Variants in ZNF91 observed in about 807,000 individuals in gnomAD.
ZNF91 encodes zinc finger protein 91 (HPF7, HTF10).
Under a neutral mutation model 12.6 loss-of-function variants are expected in ZNF91, and 7 were observed. That is an observed-to-expected ratio of 0.55 (90% confidence interval 0.31 to 1.04). ZNF91 has a LOEUF of 1.04. ZNF91 is among the 50% of genes least tolerant of loss of function. ZNF91 has a pLI of 0.05. For synonymous variants in ZNF91, 453 were observed against 462.6 expected (o/e 0.98, Z 0.27); for missense variants, 1,217 against 1,385.4 (o/e 0.88, Z 1.93).
At chr19:23,342,494 A>G (rs1568374294) in intron 3 of ZNF91, among the ~76,000 whole-genome samples, 1 of 152,188 alleles carries the variant, frequency 6.6e-6, no homozygotes, top group Non-Finnish European at 1.5e-5. Context: ...TTGGATTTTA[A>G]TATTTGTGCA....
chr19:23,385,921 T>TTATTTTTAAAGTAAAAATA (rs1969854933), intron 1 of ZNF91, among the ~76,000 whole-genome samples: 1 of 152,148 alleles, frequency 6.6e-6, no homozygotes, highest in Non-Finnish European at 1.5e-5. Flanking sequence ...TGTAACTAAG[T>TTATTTTTAAAGTAAAAATA]TATTTTTAAA....
At chr19:23,340,688 G>C (rs1968104113) in intron 3 of ZNF91, among the ~76,000 whole-genome samples, 1 of 151,474 alleles carries the variant, frequency 6.6e-6, no homozygotes, top group Non-Finnish European at 1.5e-5. Flanking sequence ...GTATCACCCT[G>C]ATACCAAAAC....
upstream of ZNF91, among the ~76,000 whole-genome samples, chr19:23,311,901 C>CAAAA (rs78028804): frequency 2.2e-5 from 2 of 91,796 alleles, no homozygotes; most frequent in African/African-American, 3.5e-5. Context: ...TAGGCCATGC[C>CAAAA]AAAAAAAAAA....
upstream of ZNF91, among the ~76,000 whole-genome samples, chr19:23,315,432 T>G (rs1238421921): frequency 6.6e-6 from 1 of 152,196 alleles, no homozygotes; most frequent in Non-Finnish European, 1.5e-5. Context: ...TCTTCTCTTT[T>G]GCTTGTGTCA....
rs1255420397 is a variant in ZNF91 at position 23,332,183 on chromosome 19, G to A, written n.117-23086C>T. Among the ~76,000 whole-genome samples the A allele has an allele frequency of 5.9e-5, 9 of 152,096 alleles. 1 individual carries two copies. In the South Asian group the frequency reaches 1.0e-3, roughly 17 times the overall value. ...ACCTGTGCTAGACCTATTATTAATC[G>A]ATAGGAATCCAGTCTGTAAGTCAAT... is the stretch of plus-strand genomic sequence containing the variant. On this transcript the variant is annotated intron_variant and non_coding_transcript_variant, in intron 1 of 1. Coordinates refer to the ZNF91 transcript ENST00000596528.
chr19:23,341,689 G>A (rs147093121), intron 3 of ZNF91, among the ~76,000 whole-genome samples: 64 of 152,082 alleles, frequency 4.2e-4, no homozygotes, highest in Admixed American at 2.7e-3. Context: ...GCTATCACTC[G>A]AAATCTGTTA....
At chr19:23,373,502 G>A (rs1170616580) in intron 3 of ZNF91, among the ~76,000 whole-genome samples, 6 of 151,658 alleles carry the variant, frequency 4.0e-5, no homozygotes, top group Non-Finnish European at 5.9e-5. Flanking sequence ...TCTTTTCTAT[G>A]CCATGAACAG....
At chr19:23,315,532 C>T (rs562469735), upstream of ZNF91, among the ~76,000 whole-genome samples, 23 of 152,284 alleles carry the variant, frequency 1.5e-4, no homozygotes, top group African/African-American at 5.1e-4. Flanking sequence ...AGGGCCACTG[C>T]AACATATCTT....
At position 23,359,628 on chromosome 19, in the gene ZNF91, C is replaced by T; in HGVS notation, c.3351G>A (p.Glu1117=). The T allele has an allele frequency of 3.7e-6, 6 of 1,610,568 alleles. No homozygotes were observed. The highest frequency in any genetic ancestry group is 4.2e-6 in the Non-Finnish European group (5 of 1,178,592). The change falls in exon 4 of 4, where the codon GAG becomes GAA. Residue 1117 remains glutamate, a synonymous_variant. Coordinates refer to ENST00000300619, the MANE Select transcript of ZNF91 (RefSeq NM_003430.4). ...KCGECGKAFK[E]SSALTKHKII... ...TCTTATGTTTAGTAAGAGCTGAGGA[C>T]TCTTTAAAGGCTTTGCCACATTCTC...
At chr19:23,364,716 A>G (rs1041887519) in intron 3 of ZNF91, among the ~76,000 whole-genome samples, 1 of 152,188 alleles carries the variant, frequency 6.6e-6, no homozygotes, top group Admixed American at 6.5e-5. Context: ...TGTTGAAATT[A>G]TAAGAATTTT....
intron 3 of ZNF91, among the ~76,000 whole-genome samples, chr19:23,341,342 C>A (rs1464121825): frequency 6.6e-6 from 1 of 152,146 alleles, no homozygotes; most frequent in Non-Finnish European, 1.5e-5. Flanking sequence ...AGCTACCACG[C>A]CTGGCCAGAA....
intron 1 of ZNF91, among the ~76,000 whole-genome samples, chr19:23,393,303 C>G (rs1005436259): frequency 1.3e-5 from 2 of 152,200 alleles, no homozygotes; most frequent in Non-Finnish European, 1.5e-5. Context: ...CAGGAAATGC[C>G]TCTCAGCCTC....
chr19:23,356,076 G>A (rs1968476937), downstream of ZNF91, among the ~76,000 whole-genome samples: 1 of 152,100 alleles, frequency 6.6e-6, no homozygotes, highest in South Asian at 2.1e-4. Context: ...AGCCACCATG[G>A]AAAACATATA....
chr19:23,363,947 AT>A (rs1281465113), intron 3 of ZNF91, among the ~76,000 whole-genome samples: 2 of 152,218 alleles, frequency 1.3e-5, no homozygotes, highest in Admixed American at 1.3e-4. Flanking sequence ...AAAGATATTT[AT>A]AACAAACACA....
intron 1 of ZNF91, among the ~76,000 whole-genome samples, chr19:23,392,337 A>C (rs1970092964): frequency 6.7e-6 from 1 of 148,652 alleles, no homozygotes; most frequent in Admixed American, 6.8e-5. Context: ...CAGAGGTTGC[A>C]GTGAGTTGAG....
rs2145042833 is a variant in ZNF91, at chr19:23,357,937, C to T, written c.*1466G>A. On this transcript the variant is annotated 3_prime_UTR_variant, in exon 4 of 4. Transcript: ENST00000300619. ...CATAATATGTACACATATTAGGTAT[C>T]CACAAAAATTAAGTCAAATACATTT... is the stretch of plus-strand genomic sequence containing the variant. 1 of 151,916 alleles carries T rather than the reference C, an allele frequency of 6.6e-6. No homozygotes were observed. Among genetic ancestry groups the T allele is most frequent in the East Asian group, 1.9e-4 (1 of 5,182 alleles). 9.4% of individuals were successfully genotyped at this position (151,916 alleles called of 1,614,324 possible).
intron 1 of ZNF91, among the ~76,000 whole-genome samples, chr19:23,323,661 TTCC>T (rs970101335): frequency 3.7e-5 from 4 of 106,856 alleles, no homozygotes; most frequent in Non-Finnish European, 7.2e-5. Context: ...TCCTCCTCCT[TTCC>T]TCTTCTCTCC....
At chr19:23,323,395 CCCCT>C (rs1967754147) in intron 1 of ZNF91, among the ~76,000 whole-genome samples, 1 of 134,554 alleles carries the variant, frequency 7.4e-6, no homozygotes, top group Non-Finnish European at 1.6e-5. Context: ...TACTCTCTTC[CCCCT>C]CCTTTTCTTT....
chr19:23,376,204 T>C (rs922455079), intron 1 of ZNF91, among the ~76,000 whole-genome samples: 2 of 152,122 alleles, frequency 1.3e-5, no homozygotes, highest in Non-Finnish European at 2.9e-5. Context: ...GTTTTCTCCA[T>C]AGAAATAGAT....
Sources: allele counts gnomAD v4.1 joint callset (sites outside exome capture counted in the v4.1 genomes callset), GRCh38; gene constraint gnomAD v4.1.1; transcripts MANE v1.5; gene names NCBI Gene and HGNC (gene_info 2026-07-23, HGNC 2026-07-21).